The following MORC4 variants were observed in gnomAD, a reference collection of about 807,000 sequenced individuals.
MORC4 encodes the protein MORC family CW-type zinc finger 4.
A neutral mutation model predicts 65.5 loss-of-function variants in MORC4; 22 were observed. The ratio of observed to expected loss-of-function variants is 0.34; its 90% CI spans 0.24 to 0.48. The LOEUF (loss-of-function observed/expected upper bound fraction) is 0.48, where lower values mean the gene tolerates loss of function less well. Among genes scored for constraint, MORC4 ranks in the 20% least tolerant of loss-of-function variants. The probability of loss-of-function intolerance (pLI) is 0.99; values close to 1 mark genes in which losing one functional copy is unlikely to be tolerated. For missense variants in MORC4, 624 were observed against 703.0 expected (o/e 0.89, Z 1.27); for synonymous variants, 267 against 255.8 (o/e 1.04, Z -0.42).
intron 5 of MORC4, among the ~76,000 whole-genome samples, chrX:106,983,528 T>C (rs1361050332): frequency 8.9e-6 from 1 of 111,746 alleles, no homozygotes; most frequent in Non-Finnish European, 1.9e-5. Context: ...TATTAAAGGT[T>C]TTTAGGGTTA....
chrX:106,977,716 A>C (rs1934655718), intron 8 of MORC4, among the ~76,000 whole-genome samples: 1 of 111,443 alleles, frequency 9.0e-6, no homozygotes, highest in Non-Finnish European at 1.9e-5. Flanking sequence ...CTGGTCTTCA[A>C]CCACCATATT....
At chrX:106,958,308 AGCATAAG>A (rs759807352) in intron 11 of MORC4, 21 bp downstream of exon 11, 2 of 1,174,519 alleles carry the variant, frequency 1.7e-6, no homozygotes, top group Non-Finnish European at 2.3e-6. Flanking sequence ...AGTTACCTTG[AGCATAAG>A]ATTGAGTCCT....
At chrX:106,971,823 T>C (rs1423148380) in intron 9 of MORC4, among the ~76,000 whole-genome samples, 1 of 112,113 alleles carries the variant, frequency 8.9e-6, no homozygotes, top group Non-Finnish European at 1.9e-5. Context: ...AAACAACAGA[T>C]GCTGGAGAGG....
intron 5 of MORC4, 47 bp from the exon 6 acceptor site, chrX:106,981,524 G>A (rs1442067155): frequency 1.8e-6 from 2 of 1,088,956 alleles, no homozygotes; most frequent in Non-Finnish European, 1.2e-6. Flanking sequence ...TGGCTCCAGA[G>A]GACAAAAAAA....
chrX:106,972,022 T>C, intron 9 of MORC4, among the ~76,000 whole-genome samples: 1 of 112,389 alleles, frequency 8.9e-6, no homozygotes, highest in East Asian at 2.8e-4. Flanking sequence ...TGCACACGTA[T>C]GTTTATTGTG....
At position 106,962,089 on chromosome X, in the gene MORC4, G is replaced by A; in HGVS notation, c.1179C>T (p.Ala393=). 1 of 1,205,502 alleles carries A rather than the reference G, an allele frequency of 8.3e-7. No homozygotes were observed. The change falls in exon 10 of 17, where the codon GCC becomes GCT. Residue 393 remains alanine, a synonymous_variant. Transcript: ENST00000355610. ...CCTTCCAGTAAGCATTGAGCTTCTGGGCAAGGGCATTTATTGTTAGCCTGA... is the reference window on the plus strand; with the variant it reads ...CCTTCCAGTAAGCATTGAGCTTCTGAGCAAGGGCATTTATTGTTAGCCTGA... ...KEYRLTINAL[A]QKLNAYWKEK...
intron 3 of MORC4, among the ~76,000 whole-genome samples, chrX:106,988,804 A>G (rs1253777535): frequency 8.9e-6 from 1 of 112,062 alleles, no homozygotes; most frequent in African/African-American, 3.2e-5. Flanking sequence ...CTTGGATACC[A>G]GCACTTTTAG....
At chrX:106,992,150 G>A (rs764867658) in intron 3 of MORC4, among the ~76,000 whole-genome samples, 13 of 111,879 alleles carry the variant, frequency 1.2e-4, no homozygotes, top group Non-Finnish European at 2.3e-4. Flanking sequence ...CTTCTAATTA[G>A]GAGGGTCTGA....
chrX:106,990,700 C>T (rs1414185531), intron 3 of MORC4, among the ~76,000 whole-genome samples: 14 of 111,727 alleles, frequency 1.3e-4, no homozygotes, highest in Non-Finnish European at 5.7e-5. Context: ...GGTGAAACCC[C>T]GTCTCTACTA....
chrX:106,977,344 G>A (rs1341545266), intron 8 of MORC4, among the ~76,000 whole-genome samples: 4 of 111,536 alleles, frequency 3.6e-5, no homozygotes, highest in South Asian at 3.7e-4. Flanking sequence ...GGCTGAAAAC[G>A]AGCTATCCTG....
Position 106,968,571 on chromosome X carries a change from A to G in MORC4, c.1158-6461T>C, listed in dbSNP as rs757231023. On this transcript the variant is annotated intron_variant, in intron 9 of 16. Coordinates refer to ENST00000355610, the MANE Select transcript of MORC4 (RefSeq NM_024657.5). ...CTGGTGTGCTGTATTCAGGAGACCC[A>G]TCTCACATGCAAAGACACACACAGG... 1.0e-4 allele frequency among the ~76,000 whole-genome samples: 11 copies of G among 105,461 alleles called. No individual in the cohort carries two copies. In the East Asian group the frequency reaches 3.0e-3, roughly 29 times the overall value. 91.6% of individuals were successfully genotyped at this position (105,461 alleles called of 115,157 possible). A position where few individuals can be genotyped will look rare whatever the true frequency, so the allele number is the denominator to read the frequency against.
chrX:106,991,080 G>T (rs915253369), intron 3 of MORC4, among the ~76,000 whole-genome samples: 18 of 111,314 alleles, frequency 1.6e-4, no homozygotes, highest in African/African-American at 5.5e-4. Context: ...AAATTCTATA[G>T]CTAAGAAAGT....
In MORC4 at chrX:106,941,986, T is replaced by C. The variant is rs2147800623; in HGVS notation, c.2612A>G (p.Gln871Arg). ...KETETHLEML[Q>R]KAQVSYRTPE... ...GGTCCGGTAGGAGACCTGAGCCTTC[T>C]GCAGCATTTCCAGGTGTGTCTCTGT... is the stretch of plus-strand genomic sequence containing the variant. The change falls in exon 16 of 17, where the codon CAG (glutamine) becomes CGG (arginine). Residue 871 changes from glutamine (Q) to arginine (R), a missense_variant. By Grantham distance (43) the Gln-to-Arg change is conservative. Coordinates refer to ENST00000355610, the MANE Select transcript of MORC4 (RefSeq NM_024657.5). 8.3e-7 allele frequency: 1 copy of C among 1,211,511 alleles called. No individual in the cohort carries two copies. Among genetic ancestry groups the C allele is most frequent in the Non-Finnish European group, 1.1e-6 (1 of 895,327 alleles).
chrX:106,978,152 G>T lies in MORC4; in HGVS notation c.984C>A (p.Asn328Lys), dbSNP rs1431303713. ...ITFGFSCKNS[N>K]QFGIMMYHNN... Reference sequence around the variant, plus strand: ...TATGATACATCATTATTCCAAACTGGTTACTATTCTTGCAAGAGAACCCAA... The same window carrying T: ...TATGATACATCATTATTCCAAACTGTTTACTATTCTTGCAAGAGAACCCAA... The change falls in exon 8 of 17, where the codon AAC becomes AAA. Residue 328 changes from asparagine (N) to lysine (K), a missense_variant. Coordinates refer to ENST00000355610, the MANE Select transcript of MORC4 (RefSeq NM_024657.5). 2 of 1,206,682 alleles carry T rather than the reference G, an allele frequency of 1.7e-6. No individual in the cohort carries two copies. Among genetic ancestry groups the T allele is most frequent in the South Asian group, 3.5e-5 (2 of 56,499 alleles).
intron 5 of MORC4, among the ~76,000 whole-genome samples, chrX:106,981,811 G>T (rs1240546754): frequency 9.0e-6 from 1 of 111,364 alleles, no homozygotes; most frequent in African/African-American, 3.3e-5. Flanking sequence ...AAGCTTTCTG[G>T]GTATTGTTAG....
At chrX:106,978,540 A>G (rs1004099184) in intron 7 of MORC4, among the ~76,000 whole-genome samples, 2 of 110,607 alleles carry the variant, frequency 1.8e-5, no homozygotes, top group Non-Finnish European at 3.8e-5. Context: ...AGCCATATGC[A>G]TCTCTTTTAA....
intron 9 of MORC4, among the ~76,000 whole-genome samples, chrX:106,976,201 ACTGG>A (rs1934621161): frequency 9.0e-6 from 1 of 111,487 alleles, no homozygotes; most frequent in African/African-American, 3.3e-5. Flanking sequence ...AAATCTGTTC[ACTGG>A]CTTCAAGAAA....
intron 9 of MORC4, among the ~76,000 whole-genome samples, chrX:106,967,838 T>A (rs1272750299): frequency 2.7e-5 from 3 of 112,132 alleles, no homozygotes; most frequent in African/African-American, 9.7e-5. Flanking sequence ...AATCCACGTT[T>A]GACTGGTGAT....
chrX:106,981,473 T>C lies in MORC4; in HGVS notation c.679A>G (p.Lys227Glu). Residue 227 changes from lysine to glutamate, a missense_variant, in exon 6 of 17, where the codon AAA becomes GAA. Physicochemically the swap from Lys to Glu is moderately conservative, Grantham distance 56 (BLOSUM62 1). Coordinates refer to ENST00000355610, the MANE Select transcript of MORC4 (RefSeq NM_024657.5). Reference protein sequence around the residue: ...RVLIWNIRRNKNGKSELDFDT... With the variant: ...RVLIWNIRRNENGKSELDFDT... ...AAGTCCAACTCAGATTTTCCATTTT[T>C]ATTTCTGGGGAAAAGAGACAAGTAC... 8.4e-7 allele frequency: 1 copy of C among 1,191,234 alleles called. No homozygotes were observed. Among genetic ancestry groups the C allele is most frequent in the East Asian group, 3.0e-5 (1 of 33,355 alleles).
Sources: allele counts gnomAD v4.1 joint callset (sites outside exome capture counted in the v4.1 genomes callset), GRCh38; gene constraint gnomAD v4.1.1; transcripts MANE v1.5; gene names NCBI Gene and HGNC (gene_info 2026-07-23, HGNC 2026-07-21).